The following MRE11 variants were observed in gnomAD, a reference collection of about 807,000 sequenced individuals.
MRE11 encodes the protein MRE11 double strand break repair nuclease, also known as double-strand break repair protein MRE11.
Under a neutral mutation model 91.7 loss-of-function variants are expected in MRE11, and 62 were observed. The ratio of observed to expected loss-of-function variants is 0.68; its 90% CI spans 0.55 to 0.84. The LOEUF (loss-of-function observed/expected upper bound fraction) is 0.84. MRE11 is among the 40% of genes least tolerant of loss of function. The probability of loss-of-function intolerance (pLI) is 0.00; values close to 1 mark genes in which losing one functional copy is unlikely to be tolerated. For missense variants in MRE11, 796 were observed against 852.9 expected (o/e 0.93, Z 0.83); for synonymous variants, 273 against 271.4 (o/e 1.01, Z -0.06).
chr11:94,445,612 A>T (rs1945904402), intron 16 of MRE11, 198 bp downstream of exon 16: 1 of 540,286 alleles, frequency 1.9e-6, no homozygotes, highest in African/African-American at 1.9e-5. Flanking sequence ...CTGGCCTATA[A>T]AACATGATTT....
rs192752144 is a variant in MRE11, at chr11:94,417,772, A to G, written c.*2353T>C. 4.3e-6 allele frequency: 1 copy of G among 232,976 alleles called. No individual in the cohort carries two copies. Among genetic ancestry groups the G allele is most frequent in the Non-Finnish European group, 8.5e-6 (1 of 117,970 alleles). 14.4% of individuals were successfully genotyped at this position (232,976 alleles called of 1,614,324 possible). ...GTATTTATTGTATTTCCTACTTTTA[A>G]AAGTTTGGGAAAAAAGTCTTTTACA... On this transcript the variant is annotated 3_prime_UTR_variant, in exon 20 of 20. Coordinates refer to ENST00000323929, the MANE Select transcript of MRE11 (RefSeq NM_005591.4).
chr11:94,490,471 T>C (rs1206421605), intron 3 of MRE11, among the ~76,000 whole-genome samples: 1 of 152,234 alleles, frequency 6.6e-6, no homozygotes, highest in African/African-American at 2.4e-5. Context: ...TCCTATCACA[T>C]ACAACCTTGC....
intron 15 of MRE11, 129 bp downstream of exon 15, chr11:94,447,089 AT>A: frequency 2.0e-6 from 2 of 986,450 alleles, no homozygotes; most frequent in Non-Finnish European, 3.1e-6. Flanking sequence ...TTTATATATT[AT>A]AAAAATAGAT....
At chr11:94,445,280 A>C (rs574969040) in intron 16 of MRE11, among the ~76,000 whole-genome samples, 1 of 152,188 alleles carries the variant, frequency 6.6e-6, no homozygotes, top group East Asian at 1.9e-4. Flanking sequence ...ATTTGTCTGA[A>C]AGTAAGAAAT....
chr11:94,459,816 G>T (rs369149323), intron 12 of MRE11, among the ~76,000 whole-genome samples: 1 of 152,110 alleles, frequency 6.6e-6, no homozygotes, highest in Non-Finnish European at 1.5e-5. Flanking sequence ...GTCCAAAAAT[G>T]GCAGCTATGA....
chr11:94,512,388 T>C, the MRE11 span: 9 of 832,752 alleles, frequency 1.1e-5, no homozygotes, highest in East Asian at 2.0e-4. Flanking sequence ...GTGCGCGGAA[T>C]ACCTAGGGCC....
In MRE11 at chr11:94,459,411, C is replaced by G; in HGVS notation, c.1497G>C (p.Glu499Asp). ...HIDALEDKID[E>D]EVRRFRETRQ... The stretch of plus-strand genomic sequence containing the variant: ...GACACTCAAATTAGTTACTTACCTC[C>G]TCATCGATTTTGTCTTCGAGGGCAT... Residue 499 changes from glutamate to aspartate, a missense_variant, in exon 13 of 20, where the codon GAG becomes GAC. Transcript: ENST00000323929. 6.2e-7 allele frequency: 1 copy of G among 1,613,858 alleles called. No homozygotes were observed. The highest frequency in any genetic ancestry group is 8.5e-7 in the Non-Finnish European group (1 of 1,179,848).
rs1343465167 is a variant in MRE11 at position 94,464,229 on chromosome 11, C to T, written c.1109G>A (p.Ser370Asn). ...KPLVRLRVDY[S>N]GGFEPFSVLR... ...AACACTGAAAGGTTCAAAACCTCCA[C>T]TATAGTCCACCTGAAAACACAGAAT... The change falls in exon 11 of 20, where the codon AGT becomes AAT. Residue 370 changes from serine (S) to asparagine (N), a missense_variant. Ser to Asn is a conservative substitution (Grantham distance 46, BLOSUM62 1). Coordinates refer to ENST00000323929, the MANE Select transcript of MRE11 (RefSeq NM_005591.4). 2.5e-6 allele frequency: 4 copies of T among 1,613,786 alleles called. No homozygotes were observed. The highest frequency in any genetic ancestry group is 1.1e-5 in the South Asian group (1 of 91,084).
chr11:94,437,293 T>G, intron 16 of MRE11, 58 bp from the exon 17 acceptor site: 2 of 1,534,462 alleles, frequency 1.3e-6, no homozygotes, highest in Non-Finnish European at 1.8e-6. Flanking sequence ...TTAGAAAAAC[T>G]TGCATACTTC....
chr11:94,437,370 T>C (rs1010888737), intron 16 of MRE11, 135 bp from the exon 17 acceptor site: 16 of 741,868 alleles, frequency 2.2e-5, no homozygotes, highest in Non-Finnish European at 3.5e-5. Flanking sequence ...AACTATTTGA[T>C]ATTTTTAAAA....
chr11:94,508,006 G>A, the MRE11 span, among the ~76,000 whole-genome samples: 9 of 152,116 alleles, frequency 5.9e-5, no homozygotes, highest in Non-Finnish European at 8.8e-5. Context: ...GTCTTGTGCT[G>A]TTGCCCAGGC....
chr11:94,452,286 C>T (rs925466568), intron 14 of MRE11, among the ~76,000 whole-genome samples: 4 of 149,192 alleles, frequency 2.7e-5, no homozygotes, highest in Non-Finnish European at 4.5e-5. Flanking sequence ...CATATAAATA[C>T]AAATGATTTA....
In MRE11 at chr11:94,417,362, T is replaced by G. The variant is rs1408236451; in HGVS notation, c.*2763A>C. The G allele has an allele frequency of 8.7e-6, 2 of 229,292 alleles. No homozygotes were observed. Among genetic ancestry groups the G allele is most frequent in the Non-Finnish European group, 8.6e-6 (1 of 115,756 alleles). The allele number at this position is 229,292 out of a possible 1,614,324, so 14.2% of individuals were successfully genotyped here. ...AAAATATTCCTTTTCTTTATAAAAC[T>G]TTATAGGCAAATTTATCAAGCTGGT... On this transcript the variant is annotated 3_prime_UTR_variant, in exon 20 of 20. Coordinates refer to ENST00000323929, the MANE Select transcript of MRE11 (RefSeq NM_005591.4).
rs496190 is a variant in MRE11 at position 94,459,854 on chromosome 11, A to G, written c.1327-273T>C. The stretch of plus-strand genomic sequence containing the variant: ...AATAGAGATGAAATTAACCAGTGTC[A>G]TAGGCAAAATAAGAGCCCCCTAAAG... On this transcript the variant is annotated intron_variant, in intron 12 of 19. Coordinates refer to ENST00000323929, the MANE Select transcript of MRE11 (RefSeq NM_005591.4). 0.53 allele frequency among the ~76,000 whole-genome samples: 79,992 copies of G among 151,868 alleles called. 21,940 individuals carry two copies. Among genetic ancestry groups the G allele is most frequent in the African/African-American group, 0.68 (28,332 of 41,402 alleles).
the MRE11 span, among the ~76,000 whole-genome samples, chr11:94,502,822 C>T: frequency 9.2e-5 from 14 of 151,962 alleles, no homozygotes; most frequent in African/African-American, 1.7e-4. Flanking sequence ...TACAGGCGTG[C>T]GCTACCATGC....
chr11:94,464,168 A>T lies in MRE11; in HGVS notation c.1170T>A (p.Ala390=), dbSNP rs1442680605. Residue 390 remains alanine, a synonymous_variant, in exon 11 of 20, where the codon GCT becomes GCA. Coordinates refer to ENST00000323929, the MANE Select transcript of MRE11 (RefSeq NM_005591.4). The part of the protein sequence containing the change: ...RFSQKFVDRV[A]NPKDIIHFFR... ...AAAAATGGATAATGTCTTTTGGATT[A>T]GCTACCCGATCCACAAATTTCTGGC... 1 of 1,613,954 alleles carries T rather than the reference A, an allele frequency of 6.2e-7. No individual in the cohort carries two copies. The highest frequency in any genetic ancestry group is 2.2e-5 in the East Asian group (1 of 44,828).
At chr11:94,454,367 C>A (rs1336712300) in intron 14 of MRE11, among the ~76,000 whole-genome samples, 2 of 152,102 alleles carry the variant, frequency 1.3e-5, no homozygotes, top group Non-Finnish European at 2.9e-5. Context: ...TCACAATGCC[C>A]AGCCTGAAAG....
intron 15 of MRE11, among the ~76,000 whole-genome samples, chr11:94,446,441 T>A (rs1190476863): frequency 6.6e-6 from 1 of 152,090 alleles, no homozygotes; most frequent in Non-Finnish European, 1.5e-5. Context: ...AAAATAAAAA[T>A]TTTTAAGGAA....
At chr11:94,480,534 T>C (rs1260250856) in intron 4 of MRE11, among the ~76,000 whole-genome samples, 1 of 152,244 alleles carries the variant, frequency 6.6e-6, no homozygotes, top group Non-Finnish European at 1.5e-5. Context: ...AGTAATCTTG[T>C]ACAAAGTAAT....
Sources: allele counts gnomAD v4.1 joint callset (sites outside exome capture counted in the v4.1 genomes callset), GRCh38; gene constraint gnomAD v4.1.1; transcripts MANE v1.5; gene names NCBI Gene and HGNC (gene_info 2026-07-23, HGNC 2026-07-21).